XRN1: variants seen among roughly 807,000 people sequenced by gnomAD.
XRN1 encodes strand-exchange protein 1 homolog.
XRN1 carries 67 observed loss-of-function variants against 222.3 expected under a neutral mutation model. That is an observed-to-expected ratio of 0.30 (90% confidence interval 0.25 to 0.37). The LOEUF (loss-of-function observed/expected upper bound fraction) is 0.37, where lower values mean the gene tolerates loss of function less well. Ranked by LOEUF, XRN1 falls within the 10% of genes least tolerant of loss-of-function variation. The pLI is 1.00. For missense variants in XRN1, 1,707 were observed against 2,000.2 expected (o/e 0.85, Z 2.80); for synonymous variants, 643 against 652.4 (o/e 0.99, Z 0.22).
chr3:142,344,250 A>G (rs2066077400), intron 33 of XRN1, among the ~76,000 whole-genome samples: 1 of 152,182 alleles, frequency 6.6e-6, no homozygotes, highest in Admixed American at 6.5e-5. Context: ...TTCTAACATA[A>G]AAGATAAATG....
chr3:142,362,947 A>T (rs556902131), intron 29 of XRN1, among the ~76,000 whole-genome samples: 20 of 150,902 alleles, frequency 1.3e-4, no homozygotes, highest in Middle Eastern at 3.5e-3. Context: ...ATTAAAAAAA[A>T]TTTTTTTAGT....
At position 142,368,396 on chromosome 3, in the gene XRN1, G is replaced by A. The variant is rs549193247; in HGVS notation, c.3204+2089C>T. The stretch of plus-strand genomic sequence containing the variant: ...ACTCCTGACCTCAGGTGATCCACCC[G>A]CCTTGGCCTCCCAAAGTGCTGGGAT... On this transcript the variant is annotated intron_variant, in intron 27 of 40. Transcript: ENST00000392981. Among the ~76,000 whole-genome samples the A allele has an allele frequency of 5.3e-5, 8 of 152,158 alleles. No homozygotes were observed. The East Asian group carries it at 1.6e-3, about 30-fold the overall frequency.
intron 39 of XRN1, among the ~76,000 whole-genome samples, chr3:142,316,232 T>TA (rs1342490558): frequency 6.7e-6 from 1 of 149,634 alleles, no homozygotes; most frequent in Non-Finnish European, 1.5e-5. Context: ...TTTTTTTTTT[T>TA]TTTGAGACAG....
chr3:142,408,992 G>C (rs1228313962), intron 15 of XRN1, among the ~76,000 whole-genome samples: 2 of 152,090 alleles, frequency 1.3e-5, no homozygotes, highest in African/African-American at 4.8e-5. Flanking sequence ...TGTATATCTT[G>C]CCTTGTGAAA....
chr3:142,375,178 G>A (rs144858302), intron 25 of XRN1, among the ~76,000 whole-genome samples: 4 of 152,318 alleles, frequency 2.6e-5, no homozygotes, highest in South Asian at 2.1e-4. Flanking sequence ...CACCCAGTTC[G>A]TGGTACTTTG....
intron 1 of XRN1, chr3:142,435,913 A>T (rs772786106): frequency 2.6e-5 from 4 of 152,146 alleles, no homozygotes; most frequent in African/African-American, 4.8e-5. Flanking sequence ...ACAAAAAATT[A>T]GCTGGGCGTG....
At chr3:142,415,977 G>C (rs1354644601) in intron 13 of XRN1, among the ~76,000 whole-genome samples, 2 of 152,064 alleles carry the variant, frequency 1.3e-5, no homozygotes, top group Non-Finnish European at 2.9e-5. Context: ...AAATAATTGG[G>C]AGGCTGAGGT....
intron 33 of XRN1, among the ~76,000 whole-genome samples, chr3:142,345,092 C>T (rs923404704): frequency 1.3e-5 from 2 of 152,182 alleles, no homozygotes; most frequent in African/African-American, 2.4e-5. Flanking sequence ...TGAACCCATA[C>T]ATCTACAGTC....
In XRN1 at chr3:142,365,120, G is replaced by A. The variant is rs143110559; in HGVS notation, c.3321C>T (p.Asp1107=). 6.2e-7 allele frequency: 1 copy of A among 1,613,394 alleles called. No individual in the cohort carries two copies. Among genetic ancestry groups the A allele is most frequent in the African/African-American group, 1.3e-5 (1 of 75,004 alleles). ...PDRDAEFCLF[D]RVVNVRENFS... ...AGTTTTCTCTCACATTTACAACACGGTCAAAAAGACAAAATTCTGCATCCC... is the reference window on the plus strand; with the variant it reads ...AGTTTTCTCTCACATTTACAACACGATCAAAAAGACAAAATTCTGCATCCC... The change falls in exon 29 of 41, where the codon GAC becomes GAT. Residue 1107 remains aspartate (D), a synonymous_variant. Coordinates refer to ENST00000392981, the MANE Select transcript of XRN1 (RefSeq NM_001282857.2).
chr3:142,374,064 T>C (rs770150520), intron 25 of XRN1, among the ~76,000 whole-genome samples: 1 of 151,986 alleles, frequency 6.6e-6, no homozygotes, highest in Non-Finnish European at 1.5e-5. Flanking sequence ...AAACTATCGA[T>C]CAAGTGCAGG....
rs1559870223 is a variant in XRN1, at chr3:142,421,554, CA to C, written c.968-12del. 1 of 1,584,776 alleles carries C rather than the reference CA, an allele frequency of 6.3e-7. No individual in the cohort carries two copies. The highest frequency in any genetic ancestry group is 1.2e-5 in the South Asian group (1 of 86,218). The stretch of plus-strand genomic sequence containing the variant: ...TTTCATTAATATAACCTAAAAGAAA[CA>C]AAAATTTAAATCTGTACTAAAAGCT... On this transcript the variant is annotated splice_polypyrimidine_tract_variant and intron_variant, in intron 8 of 40. Transcript: ENST00000392981.
At position 142,314,904 on chromosome 3, in the gene XRN1, CAAAAAAAAAAAA is replaced by C. The variant is rs776430519; in HGVS notation, c.4622-2158_4622-2147del. The stretch of plus-strand genomic sequence containing the variant: ...TGGGTGACAGAGTGGGACTCTGTCT[CAAAAAAAAAAAA>C]AAAAAAAAAAAAAAAAAATCCAAGT... On this transcript the variant is annotated intron_variant, in intron 39 of 40. Coordinates refer to ENST00000392981, the MANE Select transcript of XRN1 (RefSeq NM_001282857.2). Among the ~76,000 whole-genome samples, 215 of 22,284 alleles carry C rather than the reference CAAAAAAAAAAAA, an allele frequency of 9.6e-3. 1 individual carries two copies. The highest frequency in any genetic ancestry group is 0.021 in the African/African-American group (184 of 8,692). The allele number at this position is 22,284 out of a possible 152,430, so 14.6% of individuals were successfully genotyped here.
intron 33 of XRN1, among the ~76,000 whole-genome samples, chr3:142,339,275 C>G (rs934818822): frequency 6.6e-6 from 1 of 152,162 alleles, no homozygotes; most frequent in African/African-American, 2.4e-5. Context: ...AGGAAGAGAA[C>G]AAGAGTCTGC....
At chr3:142,445,831 C>T (rs954293302) in intron 1 of XRN1, among the ~76,000 whole-genome samples, 8 of 152,192 alleles carry the variant, frequency 5.3e-5, no homozygotes, top group African/African-American at 1.9e-4. Flanking sequence ...GACCTTCACC[C>T]AGTCAATAAT....
In XRN1 at chr3:142,375,939, T is replaced by G. The variant is rs1188752824; in HGVS notation, c.2837A>C (p.His946Pro). ...FIGRGSRRNP[H>P]GDHKANVGLN... ...ACCCACATTTGCTTTATGGTCTCCA[T>G]GAGGGCTGAATTTAAACCACACATG... The change falls in exon 25 of 41, where the codon CAT becomes CCT. Residue 946 changes from histidine (H) to proline (P), a missense_variant. Physicochemically the swap from His to Pro is moderately conservative, Grantham distance 77. This residue lies in a region of XRN1 where 1,234 missense variants were observed against 1,518.2 expected (regional missense o/e 0.81). Transcript: ENST00000392981. 15 of 1,612,560 alleles carry G rather than the reference T, an allele frequency of 9.3e-6. No homozygotes were observed. The highest frequency in any genetic ancestry group is 1.2e-5 in the Non-Finnish European group (14 of 1,179,462).
intron 39 of XRN1, chr3:142,313,286 ACAGTTT>A: frequency 8.3e-7 from 1 of 1,209,096 alleles, no homozygotes; most frequent in Non-Finnish European, 1.2e-6. Flanking sequence ...TTTTTCACTT[ACAGTTT>A]GTTTATTAAA....
intron 25 of XRN1, among the ~76,000 whole-genome samples, chr3:142,374,278 C>T (rs1278456918): frequency 6.6e-6 from 1 of 152,000 alleles, no homozygotes; most frequent in Non-Finnish European, 1.5e-5. Flanking sequence ...TGCACAACAG[C>T]CCTAGAGAGC....
chr3:142,412,243 A>C (rs921231708), intron 15 of XRN1, among the ~76,000 whole-genome samples: 6 of 152,190 alleles, frequency 3.9e-5, no homozygotes, highest in Admixed American at 3.3e-4. Flanking sequence ...ATTAGATACA[A>C]CATATTTAGG....
At chr3:142,416,484 A>G (rs1329955547) in intron 13 of XRN1, among the ~76,000 whole-genome samples, 1 of 152,174 alleles carries the variant, frequency 6.6e-6, no homozygotes, top group Non-Finnish European at 1.5e-5. Context: ...GTGCCCGAAC[A>G]CTTCAATAAT....
Sources: gnomAD v4.1 joint callset for allele counts (sites outside exome capture counted in the v4.1 genomes callset) on GRCh38, gnomAD v4.1.1 for gene constraint, gnomAD v4.1.1 regional missense constraint, MANE v1.5 for transcripts, NCBI Gene and HGNC (gene_info 2026-07-23, HGNC 2026-07-21) for gene names.